Variants in OTOA observed in about 807,000 individuals in gnomAD.
The protein encoded by OTOA is otoancorin.
In OTOA, 70 loss-of-function variants were observed where a neutral mutation model predicts 110.8. That is an observed-to-expected ratio of 0.63 (90% CI 0.52 to 0.77). The LOEUF is 0.77. Among genes scored for constraint, OTOA ranks in the 30% least tolerant of loss-of-function variants. OTOA has a pLI of 0.00. For missense variants in OTOA, 917 were observed against 1,075.8 expected, an observed-to-expected ratio of 0.85 and a Z score of 2.06; for synonymous variants, 373 against 431.5, an observed-to-expected ratio of 0.86 and a Z score of 1.68.
intron 12 of OTOA, among the ~76,000 whole-genome samples, chr16:21,705,770 C>T (rs908994395): frequency 4.6e-5 from 7 of 152,070 alleles, no homozygotes; most frequent in Non-Finnish European, 8.8e-5. Context: ...ATGGTAAAAC[C>T]CTGTCTCTAC....
rs1280102092 is a variant in OTOA, at chr16:21,728,415, C to A, written c.2191C>A (p.Leu731Ile). The A allele has an allele frequency of 6.2e-7, 1 of 1,614,014 alleles. No homozygotes were observed. The highest frequency in any genetic ancestry group is 8.5e-7 in the Non-Finnish European group (1 of 1,179,984). ...GCAAAAGGCTGCAGTGAGGCTCAAG[C>A]TCCTGGGACAGTATGGGTGAGGAGC... ...PEQKAAVRLK[L>I]LGQYGLPQHW... Residue 731 changes from leucine (L) to isoleucine (I), a missense_variant, in exon 20 of 29, where the codon CTC (leucine) becomes ATC (isoleucine). Leu to Ile is a conservative substitution (Grantham distance 5). Around this residue, in one of 6 missense-constraint regions of OTOA, gnomAD observed 840 missense variants for 910.2 expected, o/e 0.92. Coordinates refer to ENST00000646100, the MANE Select transcript of OTOA (RefSeq NM_144672.4).
At chr16:21,710,700 G>A (rs1438587024) in intron 13 of OTOA, among the ~76,000 whole-genome samples, 4 of 152,088 alleles carry the variant, frequency 2.6e-5, no homozygotes, top group African/African-American at 7.2e-5. Flanking sequence ...TTTGTAATAT[G>A]TGGACAACAA....
chr16:21,729,295 C>T (rs1283991400), intron 20 of OTOA, among the ~76,000 whole-genome samples: 5 of 152,076 alleles, frequency 3.3e-5, no homozygotes, highest in Non-Finnish European at 7.4e-5. Context: ...CCTAAGCCTC[C>T]CACAGTGTTG....
At chr16:21,722,578 T>C (rs1898790995) in intron 17 of OTOA, among the ~76,000 whole-genome samples, 1 of 152,066 alleles carries the variant, frequency 6.6e-6, no homozygotes, top group South Asian at 2.1e-4. Context: ...TAAAACAAAG[T>C]AGGTGCACTA....
intron 12 of OTOA, among the ~76,000 whole-genome samples, chr16:21,705,924 G>C (rs1898156736): frequency 6.6e-6 from 1 of 151,664 alleles, no homozygotes; most frequent in South Asian, 2.1e-4. Flanking sequence ...GGGTGACAGA[G>C]TGAGACTCTG....
At chr16:21,667,723 C>T (rs1214484127) in intron 1 of OTOA, among the ~76,000 whole-genome samples, 1 of 152,112 alleles carries the variant, frequency 6.6e-6, no homozygotes, top group Admixed American at 6.5e-5. Context: ...GTCCCAAGTA[C>T]TCAACTCTGC....
At chr16:21,687,844 T>TA in intron 8 of OTOA, among the ~76,000 whole-genome samples, 196 bp downstream of exon 8, 1 of 151,878 alleles carries the variant, frequency 6.6e-6, no homozygotes, top group African/African-American at 2.4e-5. Flanking sequence ...TTTGTATTTT[T>TA]GTACAGATGG....
intron 12 of OTOA, among the ~76,000 whole-genome samples, chr16:21,708,341 G>T (rs912343190): frequency 6.6e-6 from 1 of 152,092 alleles, no homozygotes; most frequent in African/African-American, 2.4e-5. Context: ...TTCTGATCTG[G>T]CAGGAGGCAG....
At chr16:21,665,206 C>T (rs1242507198) in intron 1 of OTOA, among the ~76,000 whole-genome samples, 2 of 152,210 alleles carry the variant, frequency 1.3e-5, no homozygotes, top group Middle Eastern at 3.4e-3. Context: ...AGGTTCAGGG[C>T]TGCTGAGCTG....
intron 11 of OTOA, among the ~76,000 whole-genome samples, chr16:21,704,799 G>A (rs1045997850): frequency 6.6e-6 from 1 of 151,754 alleles, no homozygotes; most frequent in Non-Finnish European, 1.5e-5. Context: ...GGGGACTGGG[G>A]CAGGTTTTAT....
chr16:21,680,438 C>T (rs528785034), intron 5 of OTOA, among the ~76,000 whole-genome samples: 32 of 152,046 alleles, frequency 2.1e-4, no homozygotes, highest in Middle Eastern at 3.4e-3. Context: ...CACTTGAACG[C>T]GGGAGGCTGA....
rs557087919 is a variant in OTOA at position 21,759,161 on chromosome 16, G to A, written c.3350-1309G>A. 7.2e-5 allele frequency among the ~76,000 whole-genome samples: 11 copies of A among 152,226 alleles called. No individual in the cohort carries two copies. In the South Asian group the frequency reaches 1.2e-3, roughly 17 times the overall value. ...ATATAAAGTCTGCAAGGCATGTGGT[G>A]AAATCTTTTCCTCCAGCCCCTGTCC... On this transcript the variant is annotated intron_variant, in intron 28 of 28. Coordinates refer to ENST00000646100, the MANE Select transcript of OTOA (RefSeq NM_144672.4).
At chr16:21,694,999 C>T (rs1897902882) in intron 9 of OTOA, among the ~76,000 whole-genome samples, 1 of 151,696 alleles carries the variant, frequency 6.6e-6, no homozygotes, top group Non-Finnish European at 1.5e-5. Flanking sequence ...ATACGGTGCG[C>T]TTCATTATTA....
Position 21,670,031 on chromosome 16 carries a change from CA to C in OTOA, c.-5+5800del, listed in dbSNP as rs550060733. Among the ~76,000 whole-genome samples the C allele has an allele frequency of 3.5e-4, 53 of 152,096 alleles. 1 individual carries two copies. In the South Asian group the frequency reaches 0.01, roughly 30 times the overall value. ...ATCCCAGCTACTTGAGAGGCTGAGG[CA>C]GGAGAATCACTTGAGCCGGGGAGGC... On this transcript the variant is annotated intron_variant, in intron 1 of 28. Transcript: ENST00000646100.
At chr16:21,719,979 A>T (rs1898679361) in intron 17 of OTOA, among the ~76,000 whole-genome samples, 1 of 148,134 alleles carries the variant, frequency 6.8e-6, no homozygotes, top group Non-Finnish European at 1.5e-5. Context: ...TTTTTGAGAC[A>T]CAGTCTTGCC....
intron 11 of OTOA, among the ~76,000 whole-genome samples, chr16:21,704,364 T>G (rs1898112244): frequency 6.6e-6 from 1 of 152,128 alleles, no homozygotes; most frequent in Admixed American, 6.6e-5. Context: ...TTTCTTTCCT[T>G]ATTCCCTTTA....
chr16:21,685,329 A>G lies in OTOA; in HGVS notation c.367A>G (p.Lys123Glu). 1 of 1,612,918 alleles carries G rather than the reference A, an allele frequency of 6.2e-7. No individual in the cohort carries two copies. The highest frequency in any genetic ancestry group is 8.5e-7 in the Non-Finnish European group (1 of 1,179,208). Residue 123 changes from lysine to glutamate, a missense_variant, in exon 7 of 29, where the codon AAA (lysine) becomes GAA (glutamate). Physicochemically the swap from Lys to Glu is moderately conservative, Grantham distance 56. Transcript: ENST00000646100. Reference sequence around the variant, plus strand: ...CGCCCAGCAGTTCCGCACTGCCATGAAATGCCTCTTAGAAGACAAGAAGGA... The same window carrying G: ...CGCCCAGCAGTTCCGCACTGCCATGGAATGCCTCTTAGAAGACAAGAAGGA... The part of the protein sequence containing the change: ...TDAQQFRTAM[K>E]CLLEDKKDGL...
At chr16:21,673,991 G>T (rs947214581) in intron 1 of OTOA, among the ~76,000 whole-genome samples, 2 of 151,908 alleles carry the variant, frequency 1.3e-5, no homozygotes, top group African/African-American at 4.8e-5. Context: ...TAGAGATGGG[G>T]TTTCACCATG....
intron 6 of OTOA, chr16:21,684,323 C>T: frequency 2.2e-6 from 3 of 1,358,242 alleles, no homozygotes; most frequent in Non-Finnish European, 2.9e-6. Flanking sequence ...GTCTGTTTAA[C>T]GGAGATTTAG....
Sources: gnomAD v4.1 joint callset for allele counts (sites outside exome capture counted in the v4.1 genomes callset) on GRCh38, gnomAD v4.1.1 for gene constraint, gnomAD v4.1.1 regional missense constraint, MANE v1.5 for transcripts, NCBI Gene and HGNC (gene_info 2026-07-23, HGNC 2026-07-21) for gene names.